Variants in DNER observed in about 807,000 individuals in gnomAD.
DNER encodes delta and Notch-like epidermal growth factor-related receptor.
A neutral mutation model predicts 78.2 loss-of-function variants in DNER; 33 were observed. The ratio of observed to expected loss-of-function variants is 0.42; its 90% CI spans 0.32 to 0.56. The LOEUF is 0.56. Ranked by LOEUF, DNER falls within the 20% of genes least tolerant of loss-of-function variation. DNER has a pLI of 0.11. For missense variants in DNER, 918 were observed against 975.3 expected, an observed-to-expected ratio of 0.94 and a Z score of 0.78; for synonymous variants, 417 against 384.8, an observed-to-expected ratio of 1.08 and a Z score of -0.98.
At chr2:229,651,053 C>T (rs182252283) in intron 1 of DNER, among the ~76,000 whole-genome samples, 2 of 152,266 alleles carry the variant, frequency 1.3e-5, no homozygotes, top group Admixed American at 1.3e-4. Flanking sequence ...CCTGACACAG[C>T]CAGGCCATTC....
intron 6 of DNER, among the ~76,000 whole-genome samples, chr2:229,505,239 G>C (rs922367816): frequency 7.5e-6 from 1 of 134,174 alleles, no homozygotes; most frequent in Non-Finnish European, 1.6e-5. Context: ...TAAAAAAGCA[G>C]CACTAGAAGC....
chr2:229,397,414 C>T (rs1257770426), intron 10 of DNER, among the ~76,000 whole-genome samples: 1 of 123,924 alleles, frequency 8.1e-6, no homozygotes, highest in African/African-American at 3.0e-5. Flanking sequence ...GGCAGCCTAA[C>T]AAGACAAAAA....
chr2:229,553,286 G>C (rs935202019), intron 4 of DNER, among the ~76,000 whole-genome samples: 1 of 152,104 alleles, frequency 6.6e-6, no homozygotes, highest in Non-Finnish European at 1.5e-5. Flanking sequence ...TTGATCTCTG[G>C]GTTGTACTTG....
At chr2:229,499,039 G>T (rs1285236491) in intron 6 of DNER, among the ~76,000 whole-genome samples, 1 of 152,164 alleles carries the variant, frequency 6.6e-6, no homozygotes, top group African/African-American at 2.4e-5. Context: ...AATCAAAACA[G>T]CATGGTGCTG....
rs749446179 is a variant in DNER, at chr2:229,512,808, G to A, written c.1122C>T (p.Ser374=). Reference sequence around the variant, plus strand: ...CAGGAAGGCAAACACAGGTGAAATTGCTCCCATCTTGCTTTTCATTTGCAT... The same window carrying A: ...CAGGAAGGCAAACACAGGTGAAATTACTCCCATCTTGCTTTTCATTTGCAT... ...CIDANEKQDG[S]NFTCVCLPGY... Residue 374 remains serine, a synonymous_variant, in exon 6 of 13, where the codon AGC becomes AGT. Transcript: ENST00000341772. 1.9e-6 allele frequency: 3 copies of A among 1,614,142 alleles called. No individual in the cohort carries two copies. The East Asian group carries it at 6.7e-5, about 36-fold the overall frequency.
intron 1 of DNER, among the ~76,000 whole-genome samples, chr2:229,705,146 A>G (rs12465803): frequency 0.14 from 20,725 of 152,198 alleles, 1,495 homozygotes; most frequent in Admixed American, 0.18. Context: ...GTCTCATGGA[A>G]AAGAAGGACT....
intron 4 of DNER, among the ~76,000 whole-genome samples, chr2:229,552,043 C>G (rs537315086): frequency 6.6e-6 from 1 of 152,076 alleles, no homozygotes; most frequent in African/African-American, 2.4e-5. Flanking sequence ...AATACATATA[C>G]GTAATTTAAA....
At chr2:229,705,042 A>T (rs577732394) in intron 1 of DNER, among the ~76,000 whole-genome samples, 18 of 152,316 alleles carry the variant, frequency 1.2e-4, no homozygotes, top group Admixed American at 4.6e-4. Flanking sequence ...CAGAAATCTG[A>T]CTTCAACGCG....
intron 1 of DNER, among the ~76,000 whole-genome samples, chr2:229,702,585 C>T (rs1269154433): frequency 6.6e-6 from 1 of 151,910 alleles, no homozygotes; most frequent in Non-Finnish European, 1.5e-5. Flanking sequence ...ATGTGAGTGT[C>T]CACGCACTCT....
chr2:229,621,026 C>T (rs1423900959), intron 1 of DNER, among the ~76,000 whole-genome samples: 1 of 152,206 alleles, frequency 6.6e-6, no homozygotes, highest in Non-Finnish European at 1.5e-5. Flanking sequence ...TTAAGCCACC[C>T]GGTCTGCGGT....
chr2:229,708,599 A>G (rs1349325318), intron 1 of DNER, among the ~76,000 whole-genome samples: 1 of 152,242 alleles, frequency 6.6e-6, no homozygotes, highest in East Asian at 1.9e-4. Context: ...ATCTAAAAAT[A>G]CAACCCTGGC....
At chr2:229,617,706 C>A (rs1344918599) in intron 1 of DNER, among the ~76,000 whole-genome samples, 1 of 152,196 alleles carries the variant, frequency 6.6e-6, no homozygotes, top group Admixed American at 6.5e-5. Flanking sequence ...ATAATCCCTG[C>A]ACTTTGGGAG....
chr2:229,397,617 C>T (rs959990181), intron 10 of DNER, among the ~76,000 whole-genome samples: 1 of 151,940 alleles, frequency 6.6e-6, no homozygotes, highest in African/African-American at 2.4e-5. Context: ...CAATATAAAC[C>T]ATATTCTGGG....
intron 8 of DNER, among the ~76,000 whole-genome samples, chr2:229,425,947 TTTTA>T (rs1455727595): frequency 1.3e-5 from 2 of 151,986 alleles, no homozygotes; most frequent in African/African-American, 4.8e-5. Context: ...TGTTTGGGGC[TTTTA>T]TTTGTTTTTA....
intron 1 of DNER, among the ~76,000 whole-genome samples, chr2:229,656,049 A>G (rs7591557): frequency 0.14 from 21,477 of 152,132 alleles, 2,314 homozygotes; most frequent in African/African-American, 0.3. Context: ...ATGCCTGACT[A>G]TGGCCTCAAG....
At chr2:229,476,343 ACCACCGCCCT>A (rs900303616) in intron 7 of DNER, among the ~76,000 whole-genome samples, 1 of 152,112 alleles carries the variant, frequency 6.6e-6, no homozygotes, top group Non-Finnish European at 1.5e-5. Flanking sequence ...ACCCTCCTGG[ACCACCGCCCT>A]CCCCCTGCCT....
intron 11 of DNER, among the ~76,000 whole-genome samples, chr2:229,379,809 T>C (rs1323925787): frequency 6.6e-6 from 1 of 152,170 alleles, no homozygotes; most frequent in Non-Finnish European, 1.5e-5. Context: ...CTGGAATCCT[T>C]TCCACCAGCA....
intron 1 of DNER, among the ~76,000 whole-genome samples, chr2:229,595,834 G>A (rs1697703218): frequency 6.6e-6 from 1 of 152,206 alleles, no homozygotes; most frequent in Non-Finnish European, 1.5e-5. Context: ...TTCTGATGAG[G>A]AGCCTGCTTA....
At chr2:229,563,176 A>T (rs1389910835) in intron 4 of DNER, among the ~76,000 whole-genome samples, 9 of 64,996 alleles carry the variant, frequency 1.4e-4, no homozygotes, top group African/African-American at 3.7e-4. Context: ...ATCATCATCA[A>T]CATCATCACA....
Sources: allele counts gnomAD v4.1 joint callset (sites outside exome capture counted in the v4.1 genomes callset), GRCh38; gene constraint gnomAD v4.1.1; transcripts MANE v1.5; gene names NCBI Gene and HGNC (gene_info 2026-07-23, HGNC 2026-07-21).